Variants in SRP68 observed in about 807,000 individuals in gnomAD.
The protein encoded by SRP68 is signal recognition particle subunit SRP68.
Under a neutral mutation model 82.2 loss-of-function variants are expected in SRP68, and 15 were observed. The ratio of observed to expected loss-of-function variants is 0.18; its 90% CI spans 0.12 to 0.28. SRP68 has a LOEUF of 0.28. Ranked by LOEUF, SRP68 falls within the 10% of genes least tolerant of loss-of-function variation. The pLI is 1.00. For missense variants in SRP68, 595 were observed against 780.5 expected, an observed-to-expected ratio of 0.76 and a Z score of 2.83; for synonymous variants, 261 against 292.6, an observed-to-expected ratio of 0.89 and a Z score of 1.10.
At chr17:76,060,043 G>A (rs970484541) in intron 7 of SRP68, among the ~76,000 whole-genome samples, 2 of 140,024 alleles carry the variant, frequency 1.4e-5, no homozygotes, top group East Asian at 2.1e-4. Flanking sequence ...GGAGAATGTC[G>A]TGAACCTGGG....
chr17:76,059,717 C>A (rs928714858), intron 7 of SRP68, among the ~76,000 whole-genome samples: 1 of 144,290 alleles, frequency 6.9e-6, no homozygotes, highest in Non-Finnish European at 1.5e-5. Flanking sequence ...GAGGCCGAGG[C>A]GGGCAGATCA....
At chr17:76,043,723 G>T in intron 13 of SRP68, 106 bp downstream of exon 13, 1 of 1,294,248 alleles carries the variant, frequency 7.7e-7, no homozygotes, top group Middle Eastern at 2.5e-4. Context: ...GGCAGCCAGG[G>T]AGGACCAGCC....
At position 76,047,901 on chromosome 17, in the gene SRP68, C is replaced by T. The variant is rs1215318060; in HGVS notation, c.1142+5G>A. 1.3e-6 allele frequency: 2 copies of T among 1,500,558 alleles called. No homozygotes were observed. Among genetic ancestry groups the T allele is most frequent in the African/African-American group, 2.8e-5 (2 of 71,868 alleles). 93.0% of individuals were successfully genotyped at this position (1,500,558 alleles called of 1,614,324 possible). A position where few individuals can be genotyped will look rare whatever the true frequency, so the allele number is the denominator to read the frequency against. On this transcript the variant is annotated splice_donor_5th_base_variant and intron_variant, in intron 10 of 15. Transcript: ENST00000307877. ...AAAAAGTAAAAAAATTAAAATAACC[C>T]TTACCTATGCAAGTATTGAAGATTA...
intron 2 of SRP68, among the ~76,000 whole-genome samples, chr17:76,067,914 C>G (rs1312460050): frequency 6.6e-6 from 1 of 152,090 alleles, no homozygotes; most frequent in Non-Finnish European, 1.5e-5. Context: ...ACCAAGAAAA[C>G]AAGGCAAATG....
At chr17:76,041,535 AATCCTTC>A (rs1439916478) in intron 13 of SRP68, 5 of 152,336 alleles carry the variant, frequency 3.3e-5, no homozygotes. Context: ...GATGCCACAG[AATCCTTC>A]ATGCCTCCAT....
intron 8 of SRP68, chr17:76,053,334 C>T (rs547519614): frequency 9.6e-6 from 3 of 312,326 alleles, no homozygotes; most frequent in African/African-American, 2.3e-5. Context: ...GGAAGAGCTA[C>T]GGCGCCCGTT....
chr17:76,065,334 T>C (rs111456680), intron 3 of SRP68, among the ~76,000 whole-genome samples: 2 of 150,064 alleles, frequency 1.3e-5, no homozygotes, highest in African/African-American at 4.9e-5. Context: ...TACATGCCTA[T>C]AGTCCCAGCT....
At position 76,045,492 on chromosome 17, in the gene SRP68, C is replaced by T. The variant is rs191540251; in HGVS notation, c.1300-106G>A. 3.1e-5 allele frequency: 25 copies of T among 814,548 alleles called. 1 individual carries two copies. The highest frequency in any genetic ancestry group is 1.4e-4 in the African/African-American group (8 of 57,928). 50.5% of individuals were successfully genotyped at this position (814,548 alleles called of 1,614,324 possible). On this transcript the variant is annotated intron_variant, in intron 11 of 15. Transcript: ENST00000307877. ...ACAAGAGTGAGGAAAAAAAAAAGCC[C>T]GAGGTCAATACGATGGGGAAAAGCC...
At chr17:76,044,045 C>T in intron 12 of SRP68, 87 bp from the exon 13 acceptor site, 1 of 1,464,244 alleles carries the variant, frequency 6.8e-7, no homozygotes, top group Non-Finnish European at 9.1e-7. Flanking sequence ...CGAAATTTCA[C>T]ATTTGGAAAC....
Position 76,039,691 on chromosome 17 carries a change from C to G in SRP68, c.*15G>C. On this transcript the variant is annotated 3_prime_UTR_variant, in exon 16 of 16. Transcript: ENST00000307877. ...TAAGAGTCAGAATCTCCCCCGCCCC[C>G]GAGGAAGAGCCTGGTTAGCTCCTGA... The G allele has an allele frequency of 6.2e-7, 1 of 1,607,146 alleles. No individual in the cohort carries two copies. The highest frequency in any genetic ancestry group is 8.5e-7 in the Non-Finnish European group (1 of 1,173,960).
At position 76,062,728 on chromosome 17, in the gene SRP68, T is replaced by TATA. The variant is rs1567935176; in HGVS notation, c.562-1155_562-1154insTAT. On this transcript the variant is annotated intron_variant, in intron 4 of 15. Coordinates refer to ENST00000307877, the MANE Select transcript of SRP68 (RefSeq NM_014230.4). Reference sequence around the variant, plus strand: ...ATATTATACAATATATTATATTTATTTTATATATATATATATATATATATA... The same window carrying TATA: ...ATATTATACAATATATTATATTTATTATATTATATATATATATATATATATATA... Among the ~76,000 whole-genome samples the TATA allele has an allele frequency of 7.3e-3, 111 of 15,156 alleles. 36 individuals are homozygous for TATA. The highest frequency in any genetic ancestry group is 0.015 in the African/African-American group (19 of 1,232). 9.9% of individuals were successfully genotyped at this position (15,156 alleles called of 152,430 possible).
rs1555629425 is a variant in SRP68, at chr17:76,062,742, T to TATATATATATATATAAA, written c.562-1169_562-1168insTTTATATATATATATAT. 4.8e-3 allele frequency among the ~76,000 whole-genome samples: 135 copies of TATATATATATATATAAA among 28,204 alleles called. 8 individuals are homozygous for TATATATATATATATAAA. Among genetic ancestry groups the TATATATATATATATAAA allele is most frequent in the Non-Finnish European group, 7.0e-3 (122 of 17,428 alleles). The allele number at this position is 28,204 out of a possible 152,430, so 18.5% of individuals were successfully genotyped here. The stretch of plus-strand genomic sequence containing the variant: ...ATTATATTTATTTTATATATATATA[T>TATATATATATATATAAA]ATATATATATATATATATATATAAA... On this transcript the variant is annotated intron_variant, in intron 4 of 15. Coordinates refer to ENST00000307877, the MANE Select transcript of SRP68 (RefSeq NM_014230.4).
intron 4 of SRP68, among the ~76,000 whole-genome samples, chr17:76,062,608 TTATATAATATATAA>T (rs1464807050): frequency 1.5e-5 from 1 of 66,432 alleles, no homozygotes; most frequent in African/African-American, 8.3e-5. Flanking sequence ...ACATTATATA[TTATATAATATATAA>T]TATACATTAT....
chr17:76,051,815 C>T (rs2066674765), intron 8 of SRP68, among the ~76,000 whole-genome samples: 2 of 152,224 alleles, frequency 1.3e-5, no homozygotes, highest in South Asian at 4.1e-4. Flanking sequence ...GCAGCACCAT[C>T]CAATAGAACT....
intron 15 of SRP68, 65 bp from the exon 16 acceptor site, chr17:76,039,998 G>A (rs2066577166): frequency 1.3e-6 from 2 of 1,506,796 alleles, no homozygotes; most frequent in Non-Finnish European, 1.8e-6. Context: ...GAACATTCCT[G>A]AGTGCCGACT....
At chr17:76,070,468 C>G in intron 1 of SRP68, 24 bp from the exon 2 acceptor site, 1 of 1,596,236 alleles carries the variant, frequency 6.3e-7, no homozygotes, top group Non-Finnish European at 8.6e-7. Context: ...TAAGGAAAAT[C>G]TTACCATAGC....
chr17:76,058,498 A>G (rs1046157521), intron 7 of SRP68, among the ~76,000 whole-genome samples: 16 of 152,218 alleles, frequency 1.1e-4, no homozygotes, highest in African/African-American at 3.4e-4. Context: ...GGCTCGAGTT[A>G]TCCTTTCACC....
chr17:76,040,442 A>G lies in SRP68; in HGVS notation c.1633T>C (p.Ser545Pro). ...ACCTTATTGTCCTTGACTTGGGAGGAGGAGGTCTCTGTTTGATGAGCGTCG... is the reference window on the plus strand; with the variant it reads ...ACCTTATTGTCCTTGACTTGGGAGGGGGAGGTCTCTGTTTGATGAGCGTCG... Reference protein sequence around the residue: ...ANDAHQTETSSSQVKDNKPLV... With the variant: ...ANDAHQTETSPSQVKDNKPLV... Residue 545 changes from serine to proline, a missense_variant, in exon 15 of 16, where the codon TCC becomes CCC. By Grantham distance (74) the Ser-to-Pro change is moderately conservative (BLOSUM62 -1). Around this residue, in one of 2 missense-constraint regions of SRP68, gnomAD observed 495 missense variants for 688.6 expected, o/e 0.72. Transcript: ENST00000307877. 1 of 1,614,142 alleles carries G rather than the reference A, an allele frequency of 6.2e-7. No individual in the cohort carries two copies. The highest frequency in any genetic ancestry group is 8.5e-7 in the Non-Finnish European group (1 of 1,180,002).
Position 76,043,813 on chromosome 17 carries a change from G to A in SRP68, c.1524+16C>T. The A allele has an allele frequency of 6.3e-7, 1 of 1,577,618 alleles. No homozygotes were observed. Reference sequence around the variant, plus strand: ...ACCTGCCAGGGCTTGCAAACAAGGAGAGGCCAACCTCTCACCTTTAGGCTG... The same window carrying A: ...ACCTGCCAGGGCTTGCAAACAAGGAAAGGCCAACCTCTCACCTTTAGGCTG... On this transcript the variant is annotated intron_variant, in intron 13 of 15. Coordinates refer to ENST00000307877, the MANE Select transcript of SRP68 (RefSeq NM_014230.4).
Sources: gnomAD v4.1 joint callset for allele counts (sites outside exome capture counted in the v4.1 genomes callset) on GRCh38, gnomAD v4.1.1 for gene constraint, gnomAD v4.1.1 regional missense constraint, MANE v1.5 for transcripts, NCBI Gene and HGNC (gene_info 2026-07-23, HGNC 2026-07-21) for gene names.